Variants in RNF220 observed in about 807,000 individuals in gnomAD.
RNF220 encodes the protein E3 ubiquitin-protein ligase RNF220.
A neutral mutation model predicts 67.1 loss-of-function variants in RNF220; 7 were observed. The observed-to-expected ratio is 0.10, with a 90% CI of 0.06 to 0.20. RNF220 has a LOEUF of 0.20. Ranked by LOEUF, RNF220 falls within the 10% of genes least tolerant of loss-of-function variation. The pLI, the probability that RNF220 is intolerant of heterozygous loss-of-function variation, is 1.00. For missense variants in RNF220, 565 were observed against 740.3 expected (o/e 0.76, Z 2.75); for synonymous variants, 270 against 283.2 (o/e 0.95, Z 0.47).
intron 2 of RNF220, among the ~76,000 whole-genome samples, chr1:44,596,975 C>T (rs192198126): frequency 9.9e-5 from 15 of 152,210 alleles, no homozygotes; most frequent in Admixed American, 8.5e-4. Flanking sequence ...TGAGAGAGAA[C>T]AAGCGAGTGG....
intron 8 of RNF220, among the ~76,000 whole-genome samples, chr1:44,641,211 C>A (rs1347454895): frequency 6.6e-6 from 1 of 152,142 alleles, no homozygotes; most frequent in African/African-American, 2.4e-5. Context: ...GCACTACCCA[C>A]CCCGCCAGGA....
intron 2 of RNF220, among the ~76,000 whole-genome samples, chr1:44,528,286 G>A (rs1660552836): frequency 6.6e-6 from 1 of 151,316 alleles, no homozygotes; most frequent in Non-Finnish European, 1.5e-5. Flanking sequence ...GTGATATTTT[G>A]CCGATACAAA....
At chr1:44,426,503 G>A (rs980786692) in intron 2 of RNF220, among the ~76,000 whole-genome samples, 1 of 152,130 alleles carries the variant, frequency 6.6e-6, no homozygotes, top group African/African-American at 2.4e-5. Flanking sequence ...GACGCAGGAG[G>A]ATCACCTAAG....
intron 2 of RNF220, among the ~76,000 whole-genome samples, chr1:44,505,278 G>T (rs72688084): frequency 0.17 from 25,783 of 152,168 alleles, 2,735 homozygotes; most frequent in Non-Finnish European, 0.24. Context: ...GCAACCCCAA[G>T]GAAACAGGAC....
At chr1:44,601,367 A>T (rs986394475) in intron 2 of RNF220, among the ~76,000 whole-genome samples, 7 of 152,208 alleles carry the variant, frequency 4.6e-5, no homozygotes, top group African/African-American at 1.4e-4. Flanking sequence ...AAAGGGTGCC[A>T]TATGGAAGAG....
At chr1:44,420,719 A>G (rs1252763543) in intron 2 of RNF220, among the ~76,000 whole-genome samples, 2 of 152,236 alleles carry the variant, frequency 1.3e-5, no homozygotes, top group Admixed American at 6.5e-5. Flanking sequence ...GATACTGGGC[A>G]GGTTACCTAA....
chr1:44,424,596 G>T (rs145067710), intron 2 of RNF220, among the ~76,000 whole-genome samples: 227 of 152,274 alleles, frequency 1.5e-3, no homozygotes, highest in African/African-American at 5.3e-3. Flanking sequence ...GTCTGGGCAG[G>T]CAGGGGAAGG....
chr1:44,543,271 G>T (rs1018438527), intron 2 of RNF220, among the ~76,000 whole-genome samples: 2 of 152,064 alleles, frequency 1.3e-5, no homozygotes, highest in Non-Finnish European at 2.9e-5. Context: ...GTTAAGCCTG[G>T]GGTTAATGCC....
At chr1:44,627,463 T>C (rs1169085842) in intron 5 of RNF220, among the ~76,000 whole-genome samples, 1 of 151,910 alleles carries the variant, frequency 6.6e-6, no homozygotes, top group Non-Finnish European at 1.5e-5. Flanking sequence ...TGTGAGTGTC[T>C]TGGGCAAATA....
At chr1:44,593,681 C>T (rs1027394670) in intron 2 of RNF220, among the ~76,000 whole-genome samples, 6 of 152,154 alleles carry the variant, frequency 3.9e-5, no homozygotes, top group South Asian at 2.1e-4. Context: ...AGGATCGCCA[C>T]TGCACCAGCC....
At chr1:44,597,540 T>C (rs1666603591) in intron 2 of RNF220, among the ~76,000 whole-genome samples, 1 of 145,738 alleles carries the variant, frequency 6.9e-6, no homozygotes, top group African/African-American at 2.6e-5. Flanking sequence ...TCTCTCACGC[T>C]GTGCCCCTCC....
chr1:44,486,241 C>T (rs1770793), intron 2 of RNF220, among the ~76,000 whole-genome samples: 147,818 of 152,046 alleles, frequency 0.97, 71,992 homozygotes, highest in East Asian at 1. Context: ...AGGGGGGGGC[C>T]TTTGGGCGAC....
At chr1:44,451,366 G>A (rs1217177904) in intron 2 of RNF220, among the ~76,000 whole-genome samples, 1 of 151,930 alleles carries the variant, frequency 6.6e-6, no homozygotes, top group Admixed American at 6.6e-5. Context: ...ATTTTCTGTG[G>A]CTACTAATGA....
At chr1:44,468,873 C>G (rs1349033692) in intron 2 of RNF220, among the ~76,000 whole-genome samples, 1 of 151,884 alleles carries the variant, frequency 6.6e-6, no homozygotes, top group East Asian at 1.9e-4. Context: ...GCCAAGATCA[C>G]ACCACTGCAC....
At chr1:44,475,428 G>A (rs1366201494) in intron 2 of RNF220, among the ~76,000 whole-genome samples, 2 of 151,642 alleles carry the variant, frequency 1.3e-5, no homozygotes, top group African/African-American at 2.4e-5. Context: ...AAAATTAGCC[G>A]GCATGGTGGC....
At chr1:44,472,564 A>G (rs1245938401) in intron 2 of RNF220, among the ~76,000 whole-genome samples, 3 of 152,030 alleles carry the variant, frequency 2.0e-5, no homozygotes, top group East Asian at 1.9e-4. Context: ...TTGAAAGGCA[A>G]TCTCATCAGG....
At chr1:44,608,912 A>G (rs1667468865) in intron 2 of RNF220, among the ~76,000 whole-genome samples, 1 of 152,200 alleles carries the variant, frequency 6.6e-6, no homozygotes, top group African/African-American at 2.4e-5. Context: ...AAACTTTGCT[A>G]GTGTGTTACT....
chr1:44,503,487 G>A (rs1026807396), intron 2 of RNF220, among the ~76,000 whole-genome samples: 1 of 152,148 alleles, frequency 6.6e-6, no homozygotes, highest in Admixed American at 6.5e-5. Flanking sequence ...AGTGTGCTGG[G>A]AAGACCTCCA....
intron 2 of RNF220, among the ~76,000 whole-genome samples, chr1:44,542,308 C>T (rs536871591): frequency 6.6e-6 from 1 of 152,316 alleles, no homozygotes; most frequent in East Asian, 1.9e-4. Context: ...TTATCTGTAT[C>T]TGGGTGCCGT....
Sources: allele counts gnomAD v4.1 joint callset (sites outside exome capture counted in the v4.1 genomes callset), GRCh38; gene constraint gnomAD v4.1.1; transcripts MANE v1.5; gene names NCBI Gene and HGNC (gene_info 2026-07-23, HGNC 2026-07-21).